IL2RB: variants seen among roughly 807,000 people sequenced by gnomAD.
IL2RB encodes interleukin-2 receptor subunit beta.
Under a neutral mutation model 44.2 loss-of-function variants are expected in IL2RB, and 17 were observed. The observed-to-expected ratio is 0.38, with a 90% CI of 0.26 to 0.58. IL2RB has a LOEUF of 0.58. Among genes scored for constraint, IL2RB ranks in the 20% least tolerant of loss-of-function variants. The probability of loss-of-function intolerance (pLI) is 0.63; values close to 1 mark genes in which losing one functional copy is unlikely to be tolerated. For synonymous variants in IL2RB, 286 were observed against 297.9 expected (o/e 0.96, Z 0.41); for missense variants, 624 against 685.5 (o/e 0.91, Z 1.00).
At chr22:37,139,256 A>G (rs1569044770) in intron 4 of IL2RB, 34 bp from the exon 5 acceptor site, 2 of 1,479,264 alleles carry the variant, frequency 1.4e-6, no homozygotes, top group African/African-American at 2.8e-5. Context: ...TGAAACTTCT[A>G]GCAGCTTCAG....
chr22:37,128,596 G>C lies in IL2RB; in HGVS notation c.1156C>G (p.Pro386Ala). 1 of 1,614,092 alleles carries C rather than the reference G, an allele frequency of 6.2e-7. No homozygotes were observed. The highest frequency in any genetic ancestry group is 1.1e-5 in the South Asian group (1 of 91,084). The part of the protein sequence containing the change: ...EACQVYFTYD[P>A]YSEEDPDEGV... The stretch of plus-strand genomic sequence containing the variant: ...TCATCAGGGTCTTCCTCTGAGTAGG[G>C]GTCGTAAGTAAAGTACACCTGGCAG... Residue 386 changes from proline (P) to alanine (A), a missense_variant, in exon 10 of 10, where the codon CCC becomes GCC. Pro to Ala is a conservative substitution (Grantham distance 27). Around this residue, in one of 3 missense-constraint regions of IL2RB, gnomAD observed 291 missense variants for 275.5 expected, o/e 1.06. Coordinates refer to ENST00000216223, the MANE Select transcript of IL2RB (RefSeq NM_000878.5). The surrounding 1 kb of genome is among the most constrained non-coding windows in gnomAD (Gnocchi z 4.5).
intron 1 of IL2RB, among the ~76,000 whole-genome samples, chr22:37,172,068 C>T (rs887237254): frequency 6.1e-5 from 8 of 130,802 alleles, no homozygotes; most frequent in Admixed American, 2.3e-4. Context: ...GACAGATGCT[C>T]GGCTGACGTT....
chr22:37,168,000 G>A (rs1391321660), intron 1 of IL2RB, among the ~76,000 whole-genome samples: 1 of 152,244 alleles, frequency 6.6e-6, no homozygotes, highest in African/African-American at 2.4e-5. Flanking sequence ...GCAGCAGCAT[G>A]CTGGGCACTG....
chr22:37,167,771 G>A (rs139006773), intron 1 of IL2RB, among the ~76,000 whole-genome samples: 17 of 152,378 alleles, frequency 1.1e-4, no homozygotes, highest in African/African-American at 3.1e-4. Context: ...GCTGGACTGC[G>A]GTGCCTCAAG....
In IL2RB at chr22:37,127,800, G is replaced by A. The variant is rs986361388; in HGVS notation, c.*296C>T. 16 of 276,960 alleles carry A rather than the reference G, an allele frequency of 5.8e-5. No individual in the cohort carries two copies. Among genetic ancestry groups the A allele is most frequent in the South Asian group, 1.5e-4 (1 of 6,648 alleles). 17.2% of individuals were successfully genotyped at this position (276,960 alleles called of 1,614,324 possible). ...AATAGCTGCAGGGCTGGAGAGGAGC[G>A]ATGCTTCTGAGCCTAAATTCGTGGG... On this transcript the variant is annotated 3_prime_UTR_variant, in exon 10 of 10. Coordinates refer to ENST00000216223, the MANE Select transcript of IL2RB (RefSeq NM_000878.5).
intron 1 of IL2RB, among the ~76,000 whole-genome samples, chr22:37,146,905 C>T (rs1922255236): frequency 6.6e-6 from 1 of 152,170 alleles, no homozygotes; most frequent in Admixed American, 6.5e-5. Flanking sequence ...CACACCCTGG[C>T]CCCAAGAGCC....
chr22:37,137,701 G>A lies in IL2RB; in HGVS notation c.423C>T (p.Val141=). The A allele has an allele frequency of 6.2e-7, 1 of 1,614,106 alleles. No homozygotes were observed. The highest frequency in any genetic ancestry group is 8.5e-7 in the Non-Finnish European group (1 of 1,179,976). Reference sequence around the variant, plus strand: ...TGTTGCATCTGTGGGTCTCCACGTGGACAACTTGGAGGGAGATGGGGGCCA... The same window carrying A: ...TGTTGCATCTGTGGGTCTCCACGTGAACAACTTGGAGGGAGATGGGGGCCA... ...RLMAPISLQV[V]HVETHRCNIS... The change falls in exon 6 of 10, where the codon GTC becomes GTT. Residue 141 remains valine, a synonymous_variant. Coordinates refer to ENST00000216223, the MANE Select transcript of IL2RB (RefSeq NM_000878.5).
intron 7 of IL2RB, 59 bp downstream of exon 7, chr22:37,136,169 C>G: frequency 6.6e-7 from 1 of 1,522,540 alleles, no homozygotes. Flanking sequence ...TGGAGCAGCT[C>G]CTCCTCCAGC....
In IL2RB at chr22:37,141,090, T is replaced by C. The variant is rs1292030023; in HGVS notation, c.282+1344A>G. The stretch of plus-strand genomic sequence containing the variant: ...CTGCCCTCCCAGGCAGGGCTGCAGC[T>C]GCCTAAGTCTTGGCTGTGGACCCAG... On this transcript the variant is annotated intron_variant, in intron 4 of 9. Coordinates refer to ENST00000216223, the MANE Select transcript of IL2RB (RefSeq NM_000878.5). The surrounding 1 kb of genome is among the most constrained non-coding windows in gnomAD (Gnocchi z 4.4). Among the ~76,000 whole-genome samples the C allele has an allele frequency of 2.0e-5, 3 of 152,156 alleles. No homozygotes were observed. The East Asian group carries it at 5.8e-4, about 29-fold the overall frequency.
intron 1 of IL2RB, among the ~76,000 whole-genome samples, chr22:37,160,342 G>A (rs1281787424): frequency 1.3e-5 from 2 of 152,226 alleles, no homozygotes; most frequent in Non-Finnish European, 2.9e-5. Context: ...TACAGGAGAA[G>A]GTGGGGGCTA....
chr22:37,139,276 G>C (rs970735058), intron 4 of IL2RB, 54 bp from the exon 5 acceptor site: 4 of 1,267,560 alleles, frequency 3.2e-6, no homozygotes, highest in Non-Finnish European at 1.1e-6. Flanking sequence ...GGCAGGGGAA[G>C]GGGGAGGCCA....
chr22:37,140,219 T>C (rs1447280815), intron 4 of IL2RB, among the ~76,000 whole-genome samples: 3 of 152,154 alleles, frequency 2.0e-5, no homozygotes, highest in African/African-American at 7.2e-5. Flanking sequence ...CTCTCCACCC[T>C]ATAGACCCTG....
rs756418045 is a variant in IL2RB, at chr22:37,128,754, A to T, written c.998T>A (p.Val333Glu). The change falls in exon 10 of 10, where the codon GTG (valine) becomes GAG (glutamate). Residue 333 changes from valine to glutamate, a missense_variant. Physicochemically the swap from Val to Glu is moderately radical, Grantham distance 121. Around this residue, in one of 3 missense-constraint regions of IL2RB, gnomAD observed 291 missense variants for 275.5 expected, o/e 1.06. Transcript: ENST00000216223. The surrounding 1 kb of genome is among the most constrained non-coding windows in gnomAD (Gnocchi z 4.5). ...SPLEVLERDKVTQLLLQQDKV... is the reference protein window; with the variant it reads ...SPLEVLERDKETQLLLQQDKV... ...GTCCTGCTGCAGGAGCAGCTGCGTC[A>T]CCTTGTCCCTCTCCAGCACTTCTAG... 13 of 1,613,826 alleles carry T rather than the reference A, an allele frequency of 8.1e-6. No homozygotes were observed. Among genetic ancestry groups the T allele is most frequent in the Non-Finnish European group, 1.1e-5 (13 of 1,179,928 alleles).
At chr22:37,148,486 G>A (rs1176238321) in intron 1 of IL2RB, among the ~76,000 whole-genome samples, 10 of 152,284 alleles carry the variant, frequency 6.6e-5, no homozygotes, top group South Asian at 6.2e-4. Context: ...TCACACCCAC[G>A]GATGCCTACG....
At chr22:37,145,637 G>A (rs981978907) in intron 1 of IL2RB, among the ~76,000 whole-genome samples, 2 of 151,994 alleles carry the variant, frequency 1.3e-5, no homozygotes, top group Admixed American at 6.5e-5. Context: ...TCCAGGAGAG[G>A]TGTTTGGAGC....
upstream of IL2RB, among the ~76,000 whole-genome samples, chr22:37,152,775 A>G (rs9622553): frequency 3.7e-4 from 56 of 151,652 alleles, no homozygotes; most frequent in African/African-American, 1.3e-3. Flanking sequence ...AAACTTATGG[A>G]TTGGTCTTTA....
In IL2RB at chr22:37,141,018, C is replaced by G. The variant is rs228965; in HGVS notation, c.282+1416G>C. 0.54 allele frequency among the ~76,000 whole-genome samples: 82,365 copies of G among 152,018 alleles called. 24,589 individuals are homozygous for G. The highest frequency in any genetic ancestry group is 0.81 in the African/African-American group (33,559 of 41,480). On this transcript the variant is annotated intron_variant, in intron 4 of 9. Coordinates refer to ENST00000216223, the MANE Select transcript of IL2RB (RefSeq NM_000878.5). The surrounding 1 kb of genome is among the most constrained non-coding windows in gnomAD (Gnocchi z 4.4). Reference sequence around the variant, plus strand: ...CCGCTGCTAAAACTCTGGCTGCAGCCGGGAGGCGTAGCTGGGGTCTCCTGC... The same window carrying G: ...CCGCTGCTAAAACTCTGGCTGCAGCGGGGAGGCGTAGCTGGGGTCTCCTGC...
At chr22:37,133,606 C>A (rs566470949) in intron 8 of IL2RB, among the ~76,000 whole-genome samples, 2 of 152,316 alleles carry the variant, frequency 1.3e-5, no homozygotes, top group South Asian at 4.1e-4. Context: ...GGGCCACAAC[C>A]CCCGGTCAGA....
chr22:37,129,016 A>T (rs1049513201), intron 9 of IL2RB, among the ~76,000 whole-genome samples, 168 bp from the exon 10 acceptor site: 1 of 151,922 alleles, frequency 6.6e-6, no homozygotes, highest in Non-Finnish European at 1.5e-5. Context: ...CCCCCAACCC[A>T]CCCACTGGCT....
Sources: allele counts gnomAD v4.1 joint callset (sites outside exome capture counted in the v4.1 genomes callset), GRCh38; gene constraint gnomAD v4.1.1; regional missense constraint gnomAD v4.1.1; non-coding constraint Gnocchi (gnomAD v3.1); transcripts MANE v1.5; gene names NCBI Gene and HGNC (gene_info 2026-07-23, HGNC 2026-07-21).